Variants in ARHGEF3 observed in about 807,000 individuals in gnomAD.
The protein encoded by ARHGEF3 is Rho guanine nucleotide exchange factor 3.
In ARHGEF3, 28 loss-of-function variants were observed where a neutral mutation model predicts 63.2. The ratio of observed to expected loss-of-function variants is 0.44; its 90% CI spans 0.33 to 0.61. The LOEUF is 0.61. Ranked by LOEUF, ARHGEF3 falls within the 20% of genes least tolerant of loss-of-function variation. The pLI, the probability that ARHGEF3 is intolerant of heterozygous loss-of-function variation, is 0.03. For synonymous variants in ARHGEF3, 266 were observed against 254.2 expected, an observed-to-expected ratio of 1.05 and a Z score of -0.44; for missense variants, 533 against 659.3, an observed-to-expected ratio of 0.81 and a Z score of 2.10.
intron 2 of ARHGEF3, among the ~76,000 whole-genome samples, chr3:56,974,759 G>C (rs991342065): frequency 2.0e-5 from 3 of 152,204 alleles, no homozygotes; most frequent in Non-Finnish European, 4.4e-5. Flanking sequence ...TGCACCTCCA[G>C]GTCACAGCCT....
In ARHGEF3 at chr3:56,973,241, T is replaced by C. The variant is rs148967717; in HGVS notation, c.63-14352A>G. Among the ~76,000 whole-genome samples the C allele has an allele frequency of 6.5e-3, 989 of 152,116 alleles. 11 individuals are homozygous for C. The highest frequency in any genetic ancestry group is 0.022 in the African/African-American group (924 of 41,516). On this transcript the variant is annotated intron_variant, in intron 2 of 12. Coordinates refer to the ARHGEF3 transcript ENST00000338458. ...ACCGTGTTAGCCAGGCTGGTCTCGA[T>C]CTCCTGACCTCGTGATCCGCGCGCC...
intron 3 of ARHGEF3, among the ~76,000 whole-genome samples, chr3:56,936,250 C>A (rs17825636): frequency 0.1 from 15,652 of 152,002 alleles, 1,111 homozygotes; most frequent in Non-Finnish European, 0.15. Context: ...GAGGAGACAC[C>A]GGGAGCAGAA....
intron 2 of ARHGEF3, among the ~76,000 whole-genome samples, chr3:57,025,501 C>T (rs1238204032): frequency 6.6e-6 from 1 of 152,168 alleles, no homozygotes; most frequent in African/African-American, 2.4e-5. Flanking sequence ...ATCTCAGTGA[C>T]TCTGTGTTAG....
chr3:56,966,875 T>C (rs1410387641), intron 2 of ARHGEF3, among the ~76,000 whole-genome samples: 1 of 150,168 alleles, frequency 6.7e-6, no homozygotes, highest in Non-Finnish European at 1.5e-5. Flanking sequence ...ATTATTATTT[T>C]TTATTGAGAC....
chr3:56,965,682 T>C lies in ARHGEF3; in HGVS notation c.63-6793A>G, dbSNP rs1700465396. Among the ~76,000 whole-genome samples, 4 of 145,638 alleles carry C rather than the reference T, an allele frequency of 2.7e-5. No individual in the cohort carries two copies. In the South Asian group the frequency reaches 8.7e-4, roughly 32 times the overall value. Reference sequence around the variant, plus strand: ...TTTTTTTTTTGAAACGGAGTCTCGCTCTGTCGCCCAGGCTGGAGTGCAGTG... The same window carrying C: ...TTTTTTTTTTGAAACGGAGTCTCGCCCTGTCGCCCAGGCTGGAGTGCAGTG... On this transcript the variant is annotated intron_variant, in intron 2 of 12. Transcript: ENST00000338458.
chr3:56,989,991 CG>C (rs1470545756), intron 2 of ARHGEF3, among the ~76,000 whole-genome samples: 1 of 152,160 alleles, frequency 6.6e-6, no homozygotes, highest in Non-Finnish European at 1.5e-5. Flanking sequence ...CTGATCTCCC[CG>C]AATCAAGGGC....
chr3:56,987,807 GCTCT>G (rs1701602284), intron 2 of ARHGEF3, among the ~76,000 whole-genome samples: 1 of 152,218 alleles, frequency 6.6e-6, no homozygotes, highest in Non-Finnish European at 1.5e-5. Flanking sequence ...CACAGCGTAT[GCTCT>G]CTGAGGGCTG....
intron 1 of ARHGEF3, among the ~76,000 whole-genome samples, chr3:57,060,062 G>A (rs369142584): frequency 2.0e-5 from 3 of 152,156 alleles, no homozygotes; most frequent in East Asian, 3.9e-4. Context: ...GCTCACACCT[G>A]TAATCCCAGC....
chr3:56,934,632 T>A lies in ARHGEF3; in HGVS notation c.129+24191A>T, dbSNP rs187463949. ...GGGCCAGCGGCTGCGGAGGGTGTAC[T>A]GGGTCCCCCAGCAGTGCCAGCCCAC... On this transcript the variant is annotated intron_variant, in intron 3 of 12. Transcript: ENST00000338458. Among the ~76,000 whole-genome samples, 237 of 152,334 alleles carry A rather than the reference T, an allele frequency of 1.6e-3. 2 individuals carry two copies. The highest frequency in any genetic ancestry group is 5.4e-3 in the African/African-American group (224 of 41,584).
chr3:57,054,145 C>G (rs1049106238), intron 1 of ARHGEF3, among the ~76,000 whole-genome samples: 4 of 152,144 alleles, frequency 2.6e-5, no homozygotes, highest in Non-Finnish European at 5.9e-5. Context: ...GTTCCAGTTG[C>G]ACCATATCTT....
At chr3:56,918,457 G>A (rs1232174127) in intron 3 of ARHGEF3, among the ~76,000 whole-genome samples, 1 of 152,248 alleles carries the variant, frequency 6.6e-6, no homozygotes, top group African/African-American at 2.4e-5. Context: ...ACTGAAACCC[G>A]TGGGCTGCAG....
chr3:57,030,899 T>C (rs1397678445), intron 2 of ARHGEF3, among the ~76,000 whole-genome samples: 6 of 152,218 alleles, frequency 3.9e-5, no homozygotes, highest in Non-Finnish European at 7.3e-5. Context: ...AATAAAGTCA[T>C]TTGGTTAAAA....
intron 1 of ARHGEF3, among the ~76,000 whole-genome samples, chr3:57,051,814 A>C (rs144186503): frequency 6.0e-4 from 91 of 152,176 alleles, no homozygotes; most frequent in African/African-American, 2.0e-3. Flanking sequence ...AAATAGAAAA[A>C]TTAGCCAGGT....
chr3:56,892,019 A>C (rs919813608), intron 3 of ARHGEF3, among the ~76,000 whole-genome samples: 2 of 152,152 alleles, frequency 1.3e-5, no homozygotes, highest in African/African-American at 4.8e-5. Context: ...CTCCCACGGG[A>C]GGGAAGACAT....
intron 3 of ARHGEF3, among the ~76,000 whole-genome samples, chr3:56,904,259 T>G (rs1240530544): frequency 6.6e-6 from 1 of 152,214 alleles, no homozygotes; most frequent in Admixed American, 6.5e-5. Context: ...CTCAAACTCC[T>G]GGGCTCAGGC....
At chr3:56,923,386 A>C (rs1303050345) in intron 3 of ARHGEF3, among the ~76,000 whole-genome samples, 3 of 151,776 alleles carry the variant, frequency 2.0e-5, no homozygotes, top group Non-Finnish European at 2.9e-5. Flanking sequence ...TTTTTGGTGT[A>C]ACGATGGAAA....
At chr3:56,995,646 AG>A (rs1701949264) in intron 2 of ARHGEF3, among the ~76,000 whole-genome samples, 1 of 122,742 alleles carries the variant, frequency 8.1e-6, no homozygotes. Flanking sequence ...AGAGAGAGAG[AG>A]AGAGAGAGAG....
chr3:56,939,911 G>T (rs1396015988), intron 3 of ARHGEF3: 1 of 152,116 alleles, frequency 6.6e-6, no homozygotes, highest in African/African-American at 2.4e-5. Flanking sequence ...TGTTACTATG[G>T]TTACCATAGG....
intron 4 of ARHGEF3, among the ~76,000 whole-genome samples, chr3:56,877,322 G>A (rs879657731): frequency 2.1e-4 from 31 of 150,348 alleles, no homozygotes; most frequent in Non-Finnish European, 3.1e-4. Context: ...AATATGACAC[G>A]TTCATAATAT....
Sources: allele counts gnomAD v4.1 joint callset (sites outside exome capture counted in the v4.1 genomes callset), GRCh38; gene constraint gnomAD v4.1.1; transcripts MANE v1.5; gene names NCBI Gene and HGNC (gene_info 2026-07-23, HGNC 2026-07-21).